The following CACNA2D1 variants were observed in gnomAD, a reference collection of about 807,000 sequenced individuals.
CACNA2D1 encodes the protein voltage-dependent calcium channel subunit alpha-2/delta-1.
CACNA2D1 carries 53 observed loss-of-function variants against 171.5 expected under a neutral mutation model. The ratio of observed to expected loss-of-function variants is 0.31; its 90% confidence interval spans 0.25 to 0.39. The LOEUF (loss-of-function observed/expected upper bound fraction) is 0.39, where lower values mean the gene tolerates loss of function less well. CACNA2D1 is among the 10% of genes least tolerant of loss of function. The probability of loss-of-function intolerance (pLI) is 1.00; values close to 1 mark genes in which losing one functional copy is unlikely to be tolerated. For missense variants in CACNA2D1, 903 were observed against 1,299.8 expected, an observed-to-expected ratio of 0.69 and a Z score of 4.69; for synonymous variants, 442 against 443.1, an observed-to-expected ratio of 1.00 and a Z score of 0.03.
At chr7:81,951,991 T>TTTA (rs1386764468) in intron 38 of CACNA2D1, among the ~76,000 whole-genome samples, 1 of 146,466 alleles carries the variant, frequency 6.8e-6, no homozygotes. Flanking sequence ...TTTTTTTTTT[T>TTTA]AACCACATCC....
intron 3 of CACNA2D1, among the ~76,000 whole-genome samples, chr7:82,220,976 A>G (rs931111932): frequency 6.6e-6 from 1 of 152,064 alleles, no homozygotes; most frequent in Non-Finnish European, 1.5e-5. Flanking sequence ...GGGTTTCACG[A>G]TGTTGGCCAG....
intron 4 of CACNA2D1, among the ~76,000 whole-genome samples, chr7:82,140,970 GA>G (rs1007160020): frequency 5.4e-5 from 5 of 92,922 alleles, no homozygotes; most frequent in East Asian, 3.9e-4. Context: ...AAAAAAAAAA[GA>G]AAAAAAAATT....
At chr7:82,287,395 G>T (rs894654944) in intron 3 of CACNA2D1, among the ~76,000 whole-genome samples, 5 of 151,914 alleles carry the variant, frequency 3.3e-5, no homozygotes, top group African/African-American at 1.2e-4. Context: ...TCCTTGGCTG[G>T]GATGTTCTGG....
intron 7 of CACNA2D1, among the ~76,000 whole-genome samples, chr7:82,079,607 G>A (rs749683551): frequency 1.1e-4 from 17 of 151,174 alleles, no homozygotes; most frequent in Non-Finnish European, 2.1e-4. Context: ...CAGGAGAATC[G>A]CTCGAACCCA....
chr7:82,247,369 G>T (rs38549), intron 3 of CACNA2D1, among the ~76,000 whole-genome samples: 2 of 151,816 alleles, frequency 1.3e-5, no homozygotes, highest in African/African-American at 2.4e-5. Flanking sequence ...AATTAGCCAG[G>T]GGTGGTGATG....
At chr7:82,200,873 T>C (rs62462990) in intron 3 of CACNA2D1, among the ~76,000 whole-genome samples, 23,104 of 152,204 alleles carry the variant, frequency 0.15, 2,589 homozygotes, top group African/African-American at 0.3. Context: ...CAATGAGATA[T>C]GCAGCTTTTG....
intron 24 of CACNA2D1, among the ~76,000 whole-genome samples, chr7:81,978,662 G>A (rs560967872): frequency 1.3e-5 from 2 of 151,640 alleles, no homozygotes; most frequent in African/African-American, 2.4e-5. Context: ...GATAGGTGCA[G>A]AAACCACTAC....
chr7:82,311,709 T>C lies in CACNA2D1; in HGVS notation c.294+23426A>G, dbSNP rs142947833. On this transcript the variant is annotated intron_variant, in intron 3 of 38. Transcript: ENST00000356860. ...TATTTGTGTAAGTTCAATAACAATC[T>C]GTTTTATTTTGTAACAGGACACAAT... Among the ~76,000 whole-genome samples, 70 of 152,330 alleles carry C rather than the reference T, an allele frequency of 4.6e-4. No individual in the cohort carries two copies. In the East Asian group the frequency reaches 0.013, roughly 27 times the overall value.
At chr7:82,369,012 T>C (rs1168295097) in intron 1 of CACNA2D1, among the ~76,000 whole-genome samples, 1 of 152,146 alleles carries the variant, frequency 6.6e-6, no homozygotes, top group Non-Finnish European at 1.5e-5. Flanking sequence ...ACACTTCACT[T>C]CCTATTTTTT....
rs183222947 is a variant in CACNA2D1 at position 82,276,974 on chromosome 7, T to C, written c.294+58161A>G. ...TGTTGGCCAGGATGGTCTCGATCTCTTGACCTTATGATCTGCCTGCCTCAG... is the reference window on the plus strand; with the variant it reads ...TGTTGGCCAGGATGGTCTCGATCTCCTGACCTTATGATCTGCCTGCCTCAG... On this transcript the variant is annotated intron_variant, in intron 3 of 38. Coordinates refer to ENST00000356860, the MANE Select transcript of CACNA2D1 (RefSeq NM_000722.4). Among the ~76,000 whole-genome samples the C allele has an allele frequency of 3.0e-3, 450 of 152,008 alleles. 5 individuals carry two copies. Among genetic ancestry groups the C allele is most frequent in the Non-Finnish European group, 4.4e-3 (302 of 67,946 alleles).
rs140050121 is a variant in CACNA2D1 at position 82,329,410 on chromosome 7, C to T, written c.294+5725G>A. Among the ~76,000 whole-genome samples, 18 of 152,194 alleles carry T rather than the reference C, an allele frequency of 1.2e-4. No individual in the cohort carries two copies. The East Asian group carries it at 1.4e-3, about 11-fold the overall frequency. ...CACCAGAAAAATTTGTTTATTATAA[C>T]CTTGATCCTATTTTCTTTGAGCAAA... On this transcript the variant is annotated intron_variant, in intron 3 of 38. Transcript: ENST00000356860.
intron 3 of CACNA2D1, among the ~76,000 whole-genome samples, chr7:82,278,992 T>C (rs922914822): frequency 6.6e-6 from 1 of 152,204 alleles, no homozygotes; most frequent in African/African-American, 2.4e-5. Context: ...TTTCAGCTTC[T>C]GGCTCCCTTA....
chr7:82,188,525 A>C (rs1245647089), intron 3 of CACNA2D1, among the ~76,000 whole-genome samples: 1 of 152,086 alleles, frequency 6.6e-6, no homozygotes. Flanking sequence ...TCTACTAAAT[A>C]ACCAGTGAAG....
At chr7:81,965,479 G>T (rs1562789291) in intron 32 of CACNA2D1, 115 bp downstream of exon 32, 2 of 738,618 alleles carry the variant, frequency 2.7e-6, no homozygotes, top group South Asian at 2.9e-5. Context: ...ACAAATTATT[G>T]TATGACAGAA....
chr7:82,053,005 C>A (rs962024767), intron 10 of CACNA2D1, among the ~76,000 whole-genome samples: 1 of 152,248 alleles, frequency 6.6e-6, no homozygotes, highest in Admixed American at 6.5e-5. Context: ...GTAATCCCAG[C>A]ACATTCGGAG....
At chr7:82,240,296 A>C (rs1236576307) in intron 3 of CACNA2D1, among the ~76,000 whole-genome samples, 1 of 152,204 alleles carries the variant, frequency 6.6e-6, no homozygotes, top group Non-Finnish European at 1.5e-5. Context: ...GTAAAATAAT[A>C]TCTCTCAAAC....
At chr7:82,077,806 T>C (rs1809185052) in intron 7 of CACNA2D1, among the ~76,000 whole-genome samples, 1 of 150,256 alleles carries the variant, frequency 6.7e-6, no homozygotes, top group African/African-American at 2.5e-5. Flanking sequence ...CCAAAAGCAG[T>C]ACTTCTATAA....
intron 6 of CACNA2D1, among the ~76,000 whole-genome samples, chr7:82,092,464 C>G (rs960261899): frequency 1.3e-5 from 2 of 151,858 alleles, no homozygotes; most frequent in Admixed American, 6.6e-5. Flanking sequence ...GCTCCGCCTC[C>G]CGGGTTCATG....
intron 3 of CACNA2D1, among the ~76,000 whole-genome samples, chr7:82,176,909 T>C (rs1015435848): frequency 2.6e-5 from 4 of 151,892 alleles, no homozygotes; most frequent in East Asian, 1.9e-4. Context: ...AGTTAAACTA[T>C]ACATGCTTTA....
Sources: gnomAD v4.1 joint callset for allele counts (sites outside exome capture counted in the v4.1 genomes callset) on GRCh38, gnomAD v4.1.1 for gene constraint, MANE v1.5 for transcripts, NCBI Gene and HGNC (gene_info 2026-07-23, HGNC 2026-07-21) for gene names.